Variants in VTA1 observed in about 807,000 individuals in gnomAD.
VTA1 encodes the protein vacuolar protein sorting-associated protein VTA1 homolog.
A neutral mutation model predicts 36.9 loss-of-function variants in VTA1; 24 were observed. That is an observed-to-expected ratio of 0.65 (90% CI 0.47 to 0.91). The LOEUF (loss-of-function observed/expected upper bound fraction) is 0.91. Among genes scored for constraint, VTA1 ranks in the 40% least tolerant of loss-of-function variants. The pLI, the probability that VTA1 is intolerant of heterozygous loss-of-function variation, is 0.00. For synonymous variants in VTA1, 142 were observed against 130.2 expected (o/e 1.09, Z -0.62); for missense variants, 393 against 377.2 (o/e 1.04, Z -0.35).
At chr6:142,177,022 A>G (rs1775138870) in intron 4 of VTA1, among the ~76,000 whole-genome samples, 1 of 152,220 alleles carries the variant, frequency 6.6e-6, no homozygotes. Context: ...AAACCATGGT[A>G]AAGCAGAGAT....
At chr6:142,193,385 A>G (rs1402383492) in intron 5 of VTA1, among the ~76,000 whole-genome samples, 2 of 152,092 alleles carry the variant, frequency 1.3e-5, no homozygotes, top group South Asian at 2.1e-4. Context: ...TTTGCTATTA[A>G]TAAGTAATTT....
At chr6:142,181,094 A>AAAAAT (rs1471429927) in intron 4 of VTA1, among the ~76,000 whole-genome samples, 782 of 36,438 alleles carry the variant, frequency 0.021, 30 homozygotes, top group Non-Finnish European at 0.027. Flanking sequence ...AAAAAAAAAA[A>AAAAAT]ATATATATAT....
intron 4 of VTA1, among the ~76,000 whole-genome samples, chr6:142,184,600 C>A (rs1026332417): frequency 6.6e-6 from 1 of 151,888 alleles, no homozygotes; most frequent in Non-Finnish European, 1.5e-5. Context: ...TTGCACTTAG[C>A]CTTGGAGGAA....
At chr6:142,203,091 T>G (rs1775721492) in intron 6 of VTA1, among the ~76,000 whole-genome samples, 2 of 152,040 alleles carry the variant, frequency 1.3e-5, no homozygotes, top group Admixed American at 1.3e-4. Flanking sequence ...TTAGAAAATT[T>G]TAGAACTTCA....
At chr6:142,204,146 A>G (rs1775741726) in intron 7 of VTA1, 81 bp downstream of exon 7, 5 of 1,192,642 alleles carry the variant, frequency 4.2e-6, no homozygotes, top group East Asian at 4.8e-5. Flanking sequence ...TGACAGTACC[A>G]TATATTTAAA....
Position 142,198,481 on chromosome 6 carries a change from C to G in VTA1, c.563C>G (p.Thr188Ser). The G allele has an allele frequency of 1.2e-6, 2 of 1,614,068 alleles. No homozygotes were observed. The highest frequency in any genetic ancestry group is 1.7e-6 in the Non-Finnish European group (2 of 1,179,942). Reference protein sequence around the residue: ...NEDAGAASLPTQPTQPSSSST... With the variant: ...NEDAGAASLPSQPTQPSSSST... ...GATGCTGGAGCAGCCTCTCTGCCCACTCAGCCAACTCAGCCATCATCATCT... is the reference window on the plus strand; with the variant it reads ...GATGCTGGAGCAGCCTCTCTGCCCAGTCAGCCAACTCAGCCATCATCATCT... Residue 188 changes from threonine (T) to serine (S), a missense_variant, in exon 6 of 8, where the codon ACT becomes AGT. By Grantham distance (58) the Thr-to-Ser change is moderately conservative. Transcript: ENST00000367630.
chr6:142,207,749 A>G (rs1370789237), intron 7 of VTA1, among the ~76,000 whole-genome samples: 1 of 152,168 alleles, frequency 6.6e-6, no homozygotes, highest in African/African-American at 2.4e-5. Flanking sequence ...CCCACAAGAA[A>G]CAACAGCAAA....
chr6:142,166,273 C>T lies in VTA1; in HGVS notation c.158C>T (p.Thr53Ile). Residue 53 changes from threonine to isoleucine, a missense_variant, in exon 2 of 8, where the codon ACT becomes ATT. Transcript: ENST00000367630. Reference protein sequence around the residue: ...MQTGMKIDSKTPECRKFLSKL... With the variant: ...MQTGMKIDSKIPECRKFLSKL... Reference sequence around the variant, plus strand: ...ACTGGAATGAAGATCGATAGTAAAACTCCTGAATGTCGCAAATTTTTATCA... The same window carrying T: ...ACTGGAATGAAGATCGATAGTAAAATTCCTGAATGTCGCAAATTTTTATCA... 1 of 1,612,438 alleles carries T rather than the reference C, an allele frequency of 6.2e-7. No individual in the cohort carries two copies. Among genetic ancestry groups the T allele is most frequent in the East Asian group, 2.2e-5 (1 of 44,756 alleles).
Position 142,218,795 on chromosome 6 carries a change from A to C in VTA1, c.*152A>C, listed in dbSNP as rs1776050513. ...GTGTGTATCAGATTTTTATTGAAGCATTCATCAGCAGCCTCAACCAGTTTT... is the reference window on the plus strand; with the variant it reads ...GTGTGTATCAGATTTTTATTGAAGCCTTCATCAGCAGCCTCAACCAGTTTT... On this transcript the variant is annotated 3_prime_UTR_variant, in exon 8 of 8. Coordinates refer to ENST00000367630, the MANE Select transcript of VTA1 (RefSeq NM_016485.5). The C allele has an allele frequency of 1.2e-6, 1 of 859,078 alleles. No homozygotes were observed. 53.2% of individuals were successfully genotyped at this position (859,078 alleles called of 1,614,324 possible).
At chr6:142,193,107 GT>G (rs1465263779) in intron 5 of VTA1, among the ~76,000 whole-genome samples, 1 of 152,070 alleles carries the variant, frequency 6.6e-6, no homozygotes, top group African/African-American at 2.4e-5. Context: ...TTAATCTGGA[GT>G]AGCTCCCCAG....
At chr6:142,160,460 C>T (rs1366816289) in intron 1 of VTA1, among the ~76,000 whole-genome samples, 1 of 152,176 alleles carries the variant, frequency 6.6e-6, no homozygotes, top group African/African-American at 2.4e-5. Context: ...CTTCAGATTT[C>T]TGGGTTTTTT....
rs182136634 is a variant in VTA1, at chr6:142,197,904, C to G, written c.521-535C>G. ...CCTGGCTAACACGGTGAAACCCCGT[C>G]TCTACTAAAAATACAAAAAAAAAAA... On this transcript the variant is annotated intron_variant, in intron 5 of 7. Coordinates refer to ENST00000367630, the MANE Select transcript of VTA1 (RefSeq NM_016485.5). Among the ~76,000 whole-genome samples, 84 of 147,982 alleles carry G rather than the reference C, an allele frequency of 5.7e-4. No homozygotes were observed. The East Asian group carries it at 0.016, about 29-fold the overall frequency.
At chr6:142,190,631 C>T (rs1284035190) in intron 5 of VTA1, among the ~76,000 whole-genome samples, 5 of 152,166 alleles carry the variant, frequency 3.3e-5, no homozygotes, top group Non-Finnish European at 7.4e-5. Context: ...ATAAAGAGAA[C>T]GACCACTGTT....
intron 4 of VTA1, among the ~76,000 whole-genome samples, chr6:142,185,655 A>G (rs914113122): frequency 2.0e-5 from 3 of 152,216 alleles, no homozygotes; most frequent in African/African-American, 7.2e-5. Context: ...TTTGCTCTGA[A>G]AAAATGAAAA....
intron 5 of VTA1, 44 bp downstream of exon 5, chr6:142,189,578 T>G (rs1775412560): frequency 2.0e-6 from 3 of 1,507,634 alleles, no homozygotes; most frequent in Non-Finnish European, 2.7e-6. Flanking sequence ...AGTAGAATCA[T>G]AATTATTCAG....
At chr6:142,207,614 A>G (rs1329150305) in intron 7 of VTA1, among the ~76,000 whole-genome samples, 1 of 152,144 alleles carries the variant, frequency 6.6e-6, no homozygotes, top group African/African-American at 2.4e-5. Flanking sequence ...CTAGAGCTGA[A>G]AAGGAGGTAG....
At chr6:142,206,545 A>G (rs1307580381) in intron 7 of VTA1, among the ~76,000 whole-genome samples, 1 of 152,200 alleles carries the variant, frequency 6.6e-6, no homozygotes, top group African/African-American at 2.4e-5. Context: ...GATTATGGAC[A>G]GTTCCCATCA....
chr6:142,166,247 G>T lies in VTA1; in HGVS notation c.132G>T (p.Gln44His), dbSNP rs1273466834. 2 of 1,611,062 alleles carry T rather than the reference G, an allele frequency of 1.2e-6. No homozygotes were observed. The highest frequency in any genetic ancestry group is 1.1e-5 in the South Asian group (1 of 90,550). The change falls in exon 2 of 8, where the codon CAG becomes CAT. Residue 44 changes from glutamine to histidine, a missense_variant. By Grantham distance (24) the Gln-to-His change is conservative. Coordinates refer to ENST00000367630, the MANE Select transcript of VTA1 (RefSeq NM_016485.5). ...VAYYCRLYAM[Q>H]TGMKIDSKTP... ...TTCTAGGTCGTTTATACGCAATGCAGACTGGAATGAAGATCGATAGTAAAA... is the reference window on the plus strand; with the variant it reads ...TTCTAGGTCGTTTATACGCAATGCATACTGGAATGAAGATCGATAGTAAAA...
At chr6:142,205,819 A>C (rs1775780979) in intron 7 of VTA1, among the ~76,000 whole-genome samples, 1 of 152,140 alleles carries the variant, frequency 6.6e-6, no homozygotes, top group Non-Finnish European at 1.5e-5. Context: ...AAAGTGAACT[A>C]AAACATCTAA....
Sources: gnomAD v4.1 joint callset for allele counts (sites outside exome capture counted in the v4.1 genomes callset) on GRCh38, gnomAD v4.1.1 for gene constraint, MANE v1.5 for transcripts, NCBI Gene and HGNC (gene_info 2026-07-23, HGNC 2026-07-21) for gene names.